The following CALHM6 variants were observed in gnomAD, a reference collection of about 807,000 sequenced individuals.
CALHM6 encodes calcium homeostasis modulator protein 6.
A neutral mutation model predicts 12.7 loss-of-function variants in CALHM6; 15 were observed. That is an observed-to-expected ratio of 1.18 (90% CI 0.79 to 1.82). CALHM6 has a LOEUF of 1.82. Among genes scored for constraint, CALHM6 ranks in the 40% most tolerant of loss-of-function variants. CALHM6 has a pLI of 0.00. For synonymous variants in CALHM6, 212 were observed against 193.7 expected, an observed-to-expected ratio of 1.09 and a Z score of -0.78; for missense variants, 434 against 421.0, an observed-to-expected ratio of 1.03 and a Z score of -0.27.
intron 1 of CALHM6, 90 bp downstream of exon 1, chr6:116,461,519 TC>T: frequency 1.6e-6 from 2 of 1,256,914 alleles, no homozygotes; most frequent in Non-Finnish European, 2.3e-6. Flanking sequence ...ATCTGGTATT[TC>T]CCAGTTTTTC....
At chr6:116,462,832 A>C (rs1006437660) in intron 2 of CALHM6, among the ~76,000 whole-genome samples, 4 of 152,098 alleles carry the variant, frequency 2.6e-5, no homozygotes, top group African/African-American at 9.7e-5. Flanking sequence ...TATCTCCCCT[A>C]TATAGTGACT....
intron 2 of CALHM6, 109 bp from the exon 3 acceptor site, chr6:116,463,174 G>C: frequency 9.4e-7 from 1 of 1,066,966 alleles, no homozygotes; most frequent in Non-Finnish European, 1.4e-6. Context: ...TAAAACTGTT[G>C]CTTGTTCATC....
At position 116,462,328 on chromosome 6, in the gene CALHM6, C is replaced by T. The variant is rs1418803223; in HGVS notation, c.399C>T (p.Ala133=). 11 of 1,440,322 alleles carry T rather than the reference C, an allele frequency of 7.6e-6. No homozygotes were observed. The Admixed American group carries it at 2.2e-4, about 29-fold the overall frequency. The allele number at this position is 1,440,322 out of a possible 1,614,324, so 89.2% of individuals were successfully genotyped here. The stretch of plus-strand genomic sequence containing the variant: ...AGTGCGCGGCCACCGGGAGCGCGGC[C>T]TTCGCGCAGCGCCTGTGCCTCGGCC... ...FYECAATGSA[A]FAQRLCLGRN... is the part of the protein sequence containing the mutation. Residue 133 remains alanine (A), a synonymous_variant, in exon 2 of 3, where the codon GCC becomes GCT. Transcript: ENST00000368605.
At chr6:116,461,566 T>C (rs1485539009) in intron 1 of CALHM6, 137 bp downstream of exon 1, 2 of 831,704 alleles carry the variant, frequency 2.4e-6, no homozygotes, top group African/African-American at 1.7e-5. Flanking sequence ...GTTAGTTTCC[T>C]GGTTCGTTGT....
Position 116,461,968 on chromosome 6 carries a change from G to C in CALHM6, c.39G>C (p.Lys13Asn), listed in dbSNP as rs997928298. ...KFRAVLDLHV[K>N]HHSALGYGLV... is the part of the protein sequence containing the mutation. ...GGGCGGTGCTGGACCTGCACGTCAA[G>C]CACCACAGCGCCTTGGGCTACGGCC... Residue 13 changes from lysine (K) to asparagine (N), a missense_variant, in exon 2 of 3, where the codon AAG becomes AAC. Transcript: ENST00000368605. 1.9e-6 allele frequency: 3 copies of C among 1,543,648 alleles called. No homozygotes were observed. Among genetic ancestry groups the C allele is most frequent in the African/African-American group, 2.8e-5 (2 of 72,544 alleles).
Position 116,462,474 on chromosome 6 carries a change from G to T in CALHM6, c.525+20G>T. On this transcript the variant is annotated intron_variant, in intron 2 of 2. Transcript: ENST00000368605. ...TCGCAGGTCTGCCGCTGGCGCTGGGGGCGTTTGGGAGGAGCCGAGAGGCCG... is the reference window on the plus strand; with the variant it reads ...TCGCAGGTCTGCCGCTGGCGCTGGGTGCGTTTGGGAGGAGCCGAGAGGCCG... The T allele has an allele frequency of 6.8e-7, 1 of 1,480,924 alleles. No homozygotes were observed. The highest frequency in any genetic ancestry group is 9.0e-7 in the Non-Finnish European group (1 of 1,113,426). 91.7% of individuals were successfully genotyped at this position (1,480,924 alleles called of 1,614,324 possible).
chr6:116,461,820 C>T, intron 1 of CALHM6, 52 bp from the exon 2 acceptor site: 1 of 1,073,362 alleles, frequency 9.3e-7, no homozygotes, highest in Non-Finnish European at 1.2e-6. Flanking sequence ...GGCTGCTTCT[C>T]GCAGAGTGGA....
At chr6:116,462,795 G>A (rs1562326786) in intron 2 of CALHM6, among the ~76,000 whole-genome samples, 1 of 152,108 alleles carries the variant, frequency 6.6e-6, no homozygotes, top group Non-Finnish European at 1.5e-5. Context: ...CAAAATTGCG[G>A]TTTTGCCATT....
chr6:116,463,375 G>A lies in CALHM6; in HGVS notation c.618G>A (p.Gln206=). The change falls in exon 3 of 3, where the codon CAG becomes CAA. Residue 206 remains glutamine, a synonymous_variant. Transcript: ENST00000368605. Reference sequence around the variant, plus strand: ...GCCTATCTCCAGTTAGTTTTCTGCAGCTGAAATTCTGGAAAATCTATTTGG... The same window carrying A: ...GCCTATCTCCAGTTAGTTTTCTGCAACTGAAATTCTGGAAAATCTATTTGG... ...TRCLSPVSFL[Q]LKFWKIYLEQ... The A allele has an allele frequency of 6.2e-7, 1 of 1,614,078 alleles. No individual in the cohort carries two copies. The highest frequency in any genetic ancestry group is 8.5e-7 in the Non-Finnish European group (1 of 1,180,014).
At chr6:116,461,805 A>AAAC in intron 1 of CALHM6, 67 bp from the exon 2 acceptor site, 1 of 1,122,600 alleles carries the variant, frequency 8.9e-7, no homozygotes, top group East Asian at 3.0e-5. Flanking sequence ...AAAAAAAAAA[A>AAAC]AAAAGGCTGC....
rs1477912380 is a variant in CALHM6 at position 116,462,089 on chromosome 6, G to C, written c.160G>C (p.Val54Leu). 4.5e-6 allele frequency: 7 copies of C among 1,545,758 alleles called. No homozygotes were observed. The highest frequency in any genetic ancestry group is 4.1e-5 in the African/African-American group (3 of 72,946). Residue 54 changes from valine (V) to leucine (L), a missense_variant, in exon 2 of 3, where the codon GTC becomes CTC. Coordinates refer to ENST00000368605, the MANE Select transcript of CALHM6 (RefSeq NM_001010919.3). ...SAAWNLPYGL[V>L]FLLVPALALF... ...CGCCTGGAACCTGCCCTACGGCCTG[G>C]TCTTCTTGCTGGTGCCGGCGCTCGC...
In CALHM6 at chr6:116,462,394, C is replaced by A; in HGVS notation, c.465C>A (p.Cys155Ter). 1 of 1,475,408 alleles carries A rather than the reference C, an allele frequency of 6.8e-7. No individual in the cohort carries two copies. The highest frequency in any genetic ancestry group is 9.0e-7 in the Non-Finnish European group (1 of 1,115,400). The allele number at this position is 1,475,408 out of a possible 1,614,324, so 91.4% of individuals were successfully genotyped here. A position where few individuals can be genotyped will look rare whatever the true frequency, so the allele number is the denominator to read the frequency against. The change falls in exon 2 of 3, where the codon TGC becomes TGA. Residue 155 changes from cysteine to a stop codon, truncating the protein, a stop_gained. Transcript: ENST00000368605. LOFTEE classifies it high-confidence loss of function. Reference protein sequence around the residue: ...SCAAELPLVPCNQAKASDVQD... With the variant: ...SCAAELPLVP ...CCGCGGAGCTGCCGCTGGTGCCGTGCAACCAGGCCAAGGCGTCGGACGTGC... is the reference window on the plus strand; with the variant it reads ...CCGCGGAGCTGCCGCTGGTGCCGTGAAACCAGGCCAAGGCGTCGGACGTGC...
In CALHM6 at chr6:116,462,399, A is replaced by G; in HGVS notation, c.470A>G (p.Gln157Arg). Residue 157 changes from glutamine to arginine, a missense_variant, in exon 2 of 3, where the codon CAG (glutamine) becomes CGG (arginine). By Grantham distance (43) the Gln-to-Arg change is conservative (BLOSUM62 1). Transcript: ENST00000368605. ...AAELPLVPCN[Q>R]AKASDVQDLL... ...GAGCTGCCGCTGGTGCCGTGCAACC[A>G]GGCCAAGGCGTCGGACGTGCAGGAC... The G allele has an allele frequency of 6.8e-7, 1 of 1,478,640 alleles. No homozygotes were observed. Among genetic ancestry groups the G allele is most frequent in the Non-Finnish European group, 9.0e-7 (1 of 1,116,596 alleles). The allele number at this position is 1,478,640 out of a possible 1,614,324, so 91.6% of individuals were successfully genotyped here.
chr6:116,461,810 G>T, intron 1 of CALHM6, 62 bp from the exon 2 acceptor site: 32 of 981,880 alleles, frequency 3.3e-5, no homozygotes, highest in Non-Finnish European at 4.2e-5. Flanking sequence ...AAAAAAAAAA[G>T]GCTGCTTCTC....
At chr6:116,462,588 G>C in intron 2 of CALHM6, 134 bp downstream of exon 2, 1 of 547,944 alleles carries the variant, frequency 1.8e-6, no homozygotes, top group Non-Finnish European at 3.1e-6. Context: ...ATGGCTCCTT[G>C]CATCTAATTT....
chr6:116,461,819 T>C, intron 1 of CALHM6, 53 bp from the exon 2 acceptor site: 1 of 1,023,740 alleles, frequency 9.8e-7, no homozygotes, highest in South Asian at 2.5e-5. Flanking sequence ...AGGCTGCTTC[T>C]CGCAGAGTGG....
Position 116,463,439 on chromosome 6 carries a change from C to G in CALHM6, c.682C>G (p.His228Asp). The G allele has an allele frequency of 6.2e-7, 1 of 1,614,134 alleles. No homozygotes were observed. Among genetic ancestry groups the G allele is most frequent in the Non-Finnish European group, 8.5e-7 (1 of 1,180,026 alleles). Reference protein sequence around the residue: ...QQILKSKATEHATELAKENIK... With the variant: ...QQILKSKATEDATELAKENIK... ...GATCCTTAAAAGTAAAGCCACAGAG[C>G]ATGCAACTGAATTGGCAAAAGAGAA... is the stretch of plus-strand genomic sequence containing the variant. Residue 228 changes from histidine (H) to aspartate (D), a missense_variant, in exon 3 of 3, where the codon CAT becomes GAT. Transcript: ENST00000368605.
rs1460672120 is a variant in CALHM6, at chr6:116,461,890, G to A, written c.-40G>A. On this transcript the variant is annotated 5_prime_UTR_variant, in exon 2 of 3. Coordinates refer to ENST00000368605, the MANE Select transcript of CALHM6 (RefSeq NM_001010919.3). Reference sequence around the variant, plus strand: ...CAAGCAGGACAACGAAGAGGCAGAAGGATCTGGGCCTGTGCGCGACGCCCC... The same window carrying A: ...CAAGCAGGACAACGAAGAGGCAGAAAGATCTGGGCCTGTGCGCGACGCCCC... 2.8e-6 allele frequency: 4 copies of A among 1,443,514 alleles called. No individual in the cohort carries two copies. Among genetic ancestry groups the A allele is most frequent in the East Asian group, 2.7e-5 (1 of 37,066 alleles). The allele number at this position is 1,443,514 out of a possible 1,614,324, so 89.4% of individuals were successfully genotyped here. A position where few individuals can be genotyped will look rare whatever the true frequency, so the allele number is the denominator to read the frequency against.
At chr6:116,461,747 T>C in intron 1 of CALHM6, 125 bp from the exon 2 acceptor site, 1 of 743,532 alleles carries the variant, frequency 1.3e-6, no homozygotes, top group Non-Finnish European at 2.0e-6. Context: ...GTGGCTGAAA[T>C]GAGAAAGTGA....
Sources: allele counts gnomAD v4.1 joint callset (sites outside exome capture counted in the v4.1 genomes callset), GRCh38; gene constraint gnomAD v4.1.1; transcripts MANE v1.5; gene names NCBI Gene and HGNC (gene_info 2026-07-23, HGNC 2026-07-21).